The following HNRNPAB variants were observed in gnomAD, a reference collection of about 807,000 sequenced individuals.
The protein encoded by HNRNPAB is ABBP-1.
HNRNPAB carries 17 observed loss-of-function variants against 44.1 expected under a neutral mutation model. The observed-to-expected ratio is 0.39, with a 90% CI of 0.26 to 0.58. The LOEUF is 0.58. Among genes scored for constraint, HNRNPAB ranks in the 20% least tolerant of loss-of-function variants. The probability of loss-of-function intolerance (pLI) is 0.63; values close to 1 mark genes in which losing one functional copy is unlikely to be tolerated. For missense variants in HNRNPAB, 393 were observed against 432.7 expected, an observed-to-expected ratio of 0.91 and a Z score of 0.81; for synonymous variants, 183 against 167.6, an observed-to-expected ratio of 1.09 and a Z score of -0.71.
chr5:178,208,633 T>G (rs532544664), intron 5 of HNRNPAB: 7 of 152,378 alleles, frequency 4.6e-5, no homozygotes, highest in Admixed American at 3.9e-4. Context: ...GGATTTTCTT[T>G]AGAAATACAC....
At position 178,210,586 on chromosome 5, in the gene HNRNPAB, G is replaced by T; in HGVS notation, c.962G>T (p.Arg321Leu). 1 of 1,614,180 alleles carries T rather than the reference G, an allele frequency of 6.2e-7. No individual in the cohort carries two copies. The highest frequency in any genetic ancestry group is 8.5e-7 in the Non-Finnish European group (1 of 1,180,004). Reference protein sequence around the residue: ...QGSTNYGKSQRRGGHQNNYKP... With the variant: ...QGSTNYGKSQLRGGHQNNYKP... ...AGTACAAACTACGGCAAGAGCCAGC[G>T]ACGTGGTGGCCATCAGAATAACTAC... The change falls in exon 8 of 8, where the codon CGA (arginine) becomes CTA (leucine). Residue 321 changes from arginine to leucine, a missense_variant. Physicochemically the swap from Arg to Leu is moderately radical, Grantham distance 102. This residue lies in a region of HNRNPAB where 210 missense variants were observed against 196.9 expected (regional missense o/e 1.07). Transcript: ENST00000358344.
chr5:178,209,431 T>C lies in HNRNPAB; in HGVS notation c.771T>C (p.Gly257=), dbSNP rs1485722552. The C allele has an allele frequency of 6.2e-7, 1 of 1,612,788 alleles. No homozygotes were observed. Among genetic ancestry groups the C allele is most frequent in the African/African-American group, 1.3e-5 (1 of 74,520 alleles). ...NRNRGNRGSG[G]GGGGGGQSQS... ...ACCGAGGGAACCGAGGCAGCGGAGG[T>C]GGTGGTGGAGGTGGAGGTGAGTGGA... The change falls in exon 6 of 8, where the codon GGT becomes GGC. Residue 257 remains glycine (G), a synonymous_variant. Transcript: ENST00000358344.
chr5:178,205,791 C>G (rs1311357259), intron 2 of HNRNPAB, 51 bp from the exon 3 acceptor site: 14 of 1,577,492 alleles, frequency 8.9e-6, no homozygotes, highest in Non-Finnish European at 1.2e-5. Flanking sequence ...TTTCCAAAAT[C>G]ACAGCTTGCT....
intron 2 of HNRNPAB, chr5:178,205,622 C>G (rs567312616): frequency 1.9e-6 from 1 of 515,486 alleles, no homozygotes; most frequent in South Asian, 2.8e-5. Context: ...CCCTTCTTTG[C>G]TTCTCACAGG....
intron 2 of HNRNPAB, 42 bp from the exon 3 acceptor site, chr5:178,205,800 C>G: frequency 6.3e-7 from 1 of 1,589,984 alleles, no homozygotes; most frequent in Non-Finnish European, 8.6e-7. Context: ...TCACAGCTTG[C>G]TTACAAGACT....
chr5:178,210,144 G>C lies in HNRNPAB; in HGVS notation c.800G>C (p.Ser267Thr). ...GCTCCCCCCACAGGTCAGAGTCAGA[G>C]TTGGAATCAGGGCTACGGCAACTAC... ...GGGGGGGQSQ[S>T]WNQGYGNYWN... The change falls in exon 7 of 8, where the codon AGT becomes ACT. Residue 267 changes from serine to threonine, a missense_variant. Ser to Thr is a moderately conservative substitution (Grantham distance 58). Transcript: ENST00000358344. The C allele has an allele frequency of 1.2e-6, 2 of 1,614,186 alleles. No homozygotes were observed.
intron 5 of HNRNPAB, among the ~76,000 whole-genome samples, chr5:178,209,069 T>TC (rs1757348956): frequency 6.6e-6 from 1 of 152,190 alleles, no homozygotes. Context: ...GTTGCCTGCC[T>TC]CCATTAGATA....
chr5:178,210,458 A>G lies in HNRNPAB; in HGVS notation c.929-95A>G, dbSNP rs1455135774. ...CATGAGGAAGGCAGTCTCTGCTGTC[A>G]CGGCTGGTGAGGGTCCTGGGAAGAT... On this transcript the variant is annotated intron_variant, in intron 7 of 7. Coordinates refer to ENST00000358344, the MANE Select transcript of HNRNPAB (RefSeq NM_031266.3). 4 of 1,495,414 alleles carry G rather than the reference A, an allele frequency of 2.7e-6. No individual in the cohort carries two copies. In the Admixed American group the frequency reaches 5.3e-5, roughly 20 times the overall value. The allele number at this position is 1,495,414 out of a possible 1,614,324, so 92.6% of individuals were successfully genotyped here. A position where few individuals can be genotyped will look rare whatever the true frequency, so the allele number is the denominator to read the frequency against.
intron 7 of HNRNPAB, 32 bp from the exon 8 acceptor site, chr5:178,210,521 A>G (rs1229769004): frequency 3.6e-5 from 58 of 1,606,406 alleles, no homozygotes; most frequent in Non-Finnish European, 4.8e-5. Context: ...ATGCTTGTAA[A>G]TAGTAGCTGC....
Position 178,210,588 on chromosome 5 carries a change from CGTG to C in HNRNPAB, c.969_971del (p.Gly324del), listed in dbSNP as rs547368432. 301 of 1,614,092 alleles carry C rather than the reference CGTG, an allele frequency of 1.9e-4. 1 individual carries two copies. In the East Asian group the frequency reaches 6.0e-3, roughly 32 times the overall value. On this transcript the variant is annotated inframe_deletion, in exon 8 of 8. Transcript: ENST00000358344. ...TACAAACTACGGCAAGAGCCAGCGA[CGTG>C]GTGGCCATCAGAATAACTACAAGCC...
chr5:178,206,193 TGAGA>T (rs2113538279), intron 3 of HNRNPAB, among the ~76,000 whole-genome samples, 183 bp downstream of exon 3: 1 of 152,096 alleles, frequency 6.6e-6, no homozygotes, highest in Non-Finnish European at 1.5e-5. Context: ...AAGCTGGGAG[TGAGA>T]GAATGTGCTG....
At chr5:178,209,211 TTTG>T in intron 5 of HNRNPAB, 116 bp from the exon 6 acceptor site, 1 of 845,582 alleles carries the variant, frequency 1.2e-6, no homozygotes, top group East Asian at 2.5e-5. Flanking sequence ...ACTAGCATAT[TTTG>T]TTTCTCAGCA....
At chr5:178,205,758 G>A in intron 2 of HNRNPAB, 84 bp from the exon 3 acceptor site, 2 of 1,350,826 alleles carry the variant, frequency 1.5e-6, no homozygotes, top group East Asian at 2.3e-5. Flanking sequence ...TAGACTTCGT[G>A]AGAACTTTGC....
chr5:178,209,206 C>A, intron 5 of HNRNPAB, 124 bp from the exon 6 acceptor site: 1 of 804,122 alleles, frequency 1.2e-6, no homozygotes, highest in Non-Finnish European at 2.1e-6. Flanking sequence ...CCCATACTAG[C>A]ATATTTTGTT....
At chr5:178,209,697 T>C (rs1757590768) in intron 6 of HNRNPAB, among the ~76,000 whole-genome samples, 1 of 152,110 alleles carries the variant, frequency 6.6e-6, no homozygotes, top group South Asian at 2.1e-4. Context: ...GGGGAGGGGA[T>C]GTGATGGGTG....
intron 3 of HNRNPAB, among the ~76,000 whole-genome samples, 188 bp downstream of exon 3, chr5:178,206,198 G>A (rs575240460): frequency 6.6e-6 from 1 of 152,208 alleles, no homozygotes; most frequent in South Asian, 2.1e-4. Flanking sequence ...GGGAGTGAGA[G>A]AATGTGCTGG....
chr5:178,210,347 G>A, intron 7 of HNRNPAB, 75 bp downstream of exon 7: 1 of 1,602,270 alleles, frequency 6.2e-7, no homozygotes, highest in South Asian at 1.1e-5. Context: ...AGGAGCCACT[G>A]GCAGCAGGGG....
At chr5:178,209,279 A>C (rs1203997883) in intron 5 of HNRNPAB, 51 bp from the exon 6 acceptor site, 1 of 1,438,296 alleles carries the variant, frequency 7.0e-7, no homozygotes. Context: ...TTGGGCAGTC[A>C]CTGCCCTGAG....
intron 5 of HNRNPAB, 52 bp from the exon 6 acceptor site, chr5:178,209,278 C>CTGG: frequency 7.1e-7 from 1 of 1,407,764 alleles, no homozygotes. Flanking sequence ...TTTGGGCAGT[C>CTGG]ACTGCCCTGA....
Sources: allele counts gnomAD v4.1 joint callset (sites outside exome capture counted in the v4.1 genomes callset), GRCh38; gene constraint gnomAD v4.1.1; regional missense constraint gnomAD v4.1.1; transcripts MANE v1.5; gene names NCBI Gene and HGNC (gene_info 2026-07-23, HGNC 2026-07-21).